Variants in KALRN observed in about 807,000 individuals in gnomAD.
The protein encoded by KALRN is kalirin RhoGEF kinase, also known as kalirin.
In KALRN, 70 loss-of-function variants were observed where a neutral mutation model predicts 353.7. That is an observed-to-expected ratio of 0.20 (90% CI 0.16 to 0.24). The LOEUF (loss-of-function observed/expected upper bound fraction) is 0.24, where lower values mean the gene tolerates loss of function less well. Among genes scored for constraint, KALRN ranks in the 10% least tolerant of loss-of-function variants. KALRN has a pLI of 1.00. For missense variants in KALRN, 2,791 were observed against 3,756.7 expected (o/e 0.74, Z 6.72); for synonymous variants, 1,391 against 1,434.8 (o/e 0.97, Z 0.69).
chr3:124,332,858 A>G (rs2080736251), intron 8 of KALRN, among the ~76,000 whole-genome samples: 2 of 152,190 alleles, frequency 1.3e-5, no homozygotes, highest in South Asian at 4.2e-4. Context: ...ACGAAAGAAA[A>G]TGACAAGGAA....
chr3:124,603,424 A>AT (rs1320134475), intron 34 of KALRN, among the ~76,000 whole-genome samples: 1 of 152,166 alleles, frequency 6.6e-6, no homozygotes, highest in Non-Finnish European at 1.5e-5. Context: ...TAAAATTCAC[A>AT]GACCTCTCCT....
intron 1 of KALRN, among the ~76,000 whole-genome samples, chr3:124,211,754 G>T (rs1267352308): frequency 1.3e-5 from 2 of 152,188 alleles, no homozygotes; most frequent in Admixed American, 6.5e-5. Context: ...GCTTCTCGGG[G>T]CTCTCTTCTG....
At chr3:124,631,747 A>G (rs1399537190) in intron 34 of KALRN, among the ~76,000 whole-genome samples, 3 of 152,248 alleles carry the variant, frequency 2.0e-5, no homozygotes, top group Non-Finnish European at 4.4e-5. Flanking sequence ...ACTCTGGCTC[A>G]GAATCTTCCA....
Position 124,658,475 on chromosome 3 carries a change from G to A in KALRN, c.6081G>A (p.Pro2027=), listed in dbSNP as rs762763041. 2.2e-5 allele frequency: 36 copies of A among 1,613,994 alleles called. No individual in the cohort carries two copies. The highest frequency in any genetic ancestry group is 6.7e-5 in the African/African-American group (5 of 74,930). ...ACGTGTGGTATTGTCAGAATAAGCC[G>A]CGCTCAGAGTACATCGTTGCTGAGT... ...HIYVWYCQNK[P]RSEYIVAEYD... Residue 2027 remains proline, a synonymous_variant, in exon 42 of 60, where the codon CCG becomes CCA. Coordinates refer to ENST00000682506, the MANE Select transcript of KALRN (RefSeq NM_001388419.1).
At chr3:124,279,240 C>G (rs1246826638) in intron 5 of KALRN, among the ~76,000 whole-genome samples, 50 of 152,280 alleles carry the variant, frequency 3.3e-4, no homozygotes, top group Non-Finnish European at 8.8e-5. Context: ...GTTCAGTTCA[C>G]CCCCTCTGAA....
intron 5 of KALRN, among the ~76,000 whole-genome samples, chr3:124,286,964 G>A (rs1437894739): frequency 2.0e-5 from 3 of 152,110 alleles, no homozygotes; most frequent in Non-Finnish European, 2.9e-5. Context: ...ATATCTTAAA[G>A]TCTTATTCAA....
chr3:124,143,628 G>A (rs114634701), intron 1 of KALRN, among the ~76,000 whole-genome samples: 2 of 152,268 alleles, frequency 1.3e-5, no homozygotes, highest in Non-Finnish European at 2.9e-5. Flanking sequence ...AATAGTGTGT[G>A]TTTCTTTTTC....
intron 25 of KALRN, among the ~76,000 whole-genome samples, chr3:124,473,600 C>T (rs1407639493): frequency 6.6e-6 from 1 of 152,186 alleles, no homozygotes; most frequent in African/African-American, 2.4e-5. Flanking sequence ...AGAGCTGTGT[C>T]TTCTTTTCAT....
chr3:124,362,461 A>T (rs2084161273), intron 10 of KALRN, among the ~76,000 whole-genome samples: 1 of 152,258 alleles, frequency 6.6e-6, no homozygotes, highest in Non-Finnish European at 1.5e-5. Context: ...AAGCCTCATC[A>T]GGATTGGTGC....
intron 51 of KALRN, among the ~76,000 whole-genome samples, chr3:124,684,083 G>T (rs1035074339): frequency 6.6e-6 from 1 of 151,918 alleles, no homozygotes; most frequent in Non-Finnish European, 1.5e-5. Context: ...TTTCATCATC[G>T]CAAACAGAAA....
intron 33 of KALRN, among the ~76,000 whole-genome samples, chr3:124,541,934 A>G (rs756960297): frequency 6.6e-6 from 1 of 151,836 alleles, no homozygotes; most frequent in South Asian, 2.1e-4. Context: ...CCAGGCCGAG[A>G]TGGTGCCACT....
chr3:124,252,878 C>G (rs552299659), intron 3 of KALRN, among the ~76,000 whole-genome samples: 1 of 152,276 alleles, frequency 6.6e-6, no homozygotes, highest in South Asian at 2.1e-4. Flanking sequence ...GGAGGCCTCC[C>G]CATTTTAAAG....
intron 5 of KALRN, among the ~76,000 whole-genome samples, chr3:124,270,819 G>GTTTTTTTTTTTTTTTTTTTTT (rs1553885259): frequency 1.5e-5 from 1 of 68,024 alleles, no homozygotes; most frequent in Non-Finnish European, 3.2e-5. Flanking sequence ...TTATTTTTTT[G>GTTTTTTTTTTTTTTTTTTTTT]TTTTGTTTTT....
At chr3:124,492,037 C>T (rs965983039) in intron 31 of KALRN, among the ~76,000 whole-genome samples, 4 of 152,058 alleles carry the variant, frequency 2.6e-5, no homozygotes, top group South Asian at 2.1e-4. Context: ...GTCTGAGCAG[C>T]GATAATGCAG....
chr3:124,318,251 A>G (rs1381559964), intron 6 of KALRN, among the ~76,000 whole-genome samples: 1 of 152,134 alleles, frequency 6.6e-6, no homozygotes, highest in Non-Finnish European at 1.5e-5. Flanking sequence ...TGGCCTCCAC[A>G]TGGTTTGGCC....
At chr3:124,491,614 A>T (rs957583758) in intron 31 of KALRN, 190 bp downstream of exon 31, 3 of 444,234 alleles carry the variant, frequency 6.8e-6, no homozygotes, top group Admixed American at 8.3e-5. Flanking sequence ...TCAAAGACGC[A>T]TGGTCTCCTC....
intron 33 of KALRN, among the ~76,000 whole-genome samples, chr3:124,538,901 G>A (rs150437816): frequency 6.6e-6 from 1 of 152,354 alleles, no homozygotes; most frequent in East Asian, 1.9e-4. Context: ...TCCGGAGAGA[G>A]TCAGTGGCTT....
intron 37 of KALRN, among the ~76,000 whole-genome samples, chr3:124,647,636 A>G (rs2651605): frequency 0.074 from 11,322 of 152,206 alleles, 678 homozygotes; most frequent in African/African-American, 0.17. Flanking sequence ...ATTTTGGCTT[A>G]GATTATGGAG....
At chr3:124,158,784 C>T (rs1305318681) in intron 1 of KALRN, among the ~76,000 whole-genome samples, 3 of 152,186 alleles carry the variant, frequency 2.0e-5, no homozygotes, top group Non-Finnish European at 4.4e-5. Flanking sequence ...TGCAAGGCCA[C>T]TGACAGTGGA....
Sources: allele counts gnomAD v4.1 joint callset (sites outside exome capture counted in the v4.1 genomes callset), GRCh38; gene constraint gnomAD v4.1.1; transcripts MANE v1.5; gene names NCBI Gene and HGNC (gene_info 2026-07-23, HGNC 2026-07-21).